The following SLC44A3 variants were observed in gnomAD, a reference collection of about 807,000 sequenced individuals.
SLC44A3 encodes the protein choline transporter-like protein 3.
A neutral mutation model predicts 75.4 loss-of-function variants in SLC44A3; 74 were observed. The observed-to-expected ratio is 0.98, with a 90% CI of 0.81 to 1.19. The LOEUF (loss-of-function observed/expected upper bound fraction) is 1.19. Among genes scored for constraint, SLC44A3 ranks in the 50% most tolerant of loss-of-function variants. The pLI is 0.00. For missense variants in SLC44A3, 700 were observed against 778.6 expected, an observed-to-expected ratio of 0.90 and a Z score of 1.20; for synonymous variants, 310 against 296.9, an observed-to-expected ratio of 1.04 and a Z score of -0.45.
chr1:94,853,966 A>G (rs1665537863), intron 9 of SLC44A3, among the ~76,000 whole-genome samples: 1 of 152,050 alleles, frequency 6.6e-6, no homozygotes, highest in Non-Finnish European at 1.5e-5. Context: ...TAATTTCAGA[A>G]TTGGAATTCT....
At chr1:94,825,518 A>T (rs1423563287) in intron 3 of SLC44A3, among the ~76,000 whole-genome samples, 1 of 151,980 alleles carries the variant, frequency 6.6e-6, no homozygotes. Context: ...TTTAGTAGAG[A>T]CGGGGTTTCA....
intron 9 of SLC44A3, 38 bp from the exon 10 acceptor site, chr1:94,857,297 A>C: frequency 6.5e-7 from 1 of 1,533,022 alleles, no homozygotes; most frequent in Non-Finnish European, 8.8e-7. Flanking sequence ...TGCTTAGGAA[A>C]ACATTGGTGT....
At chr1:94,892,905 A>T (rs1025529541) in intron 14 of SLC44A3, among the ~76,000 whole-genome samples, 1 of 152,152 alleles carries the variant, frequency 6.6e-6, no homozygotes, top group Non-Finnish European at 1.5e-5. Flanking sequence ...GCATTTTTGC[A>T]TCTCCAAGCA....
At chr1:94,883,114 G>A (rs11588748) in intron 12 of SLC44A3, among the ~76,000 whole-genome samples, 18,352 of 151,330 alleles carry the variant, frequency 0.12, 1,318 homozygotes, top group Non-Finnish European at 0.16. Flanking sequence ...TGGAGGAACC[G>A]CAAGGGCCTT....
chr1:94,824,908 T>G (rs1661095666), intron 3 of SLC44A3, among the ~76,000 whole-genome samples: 1 of 152,218 alleles, frequency 6.6e-6, no homozygotes, highest in African/African-American at 2.4e-5. Context: ...AACTAGTTAT[T>G]ATACCTACCT....
intron 10 of SLC44A3, among the ~76,000 whole-genome samples, chr1:94,862,553 G>C (rs781050599): frequency 1.3e-5 from 2 of 152,190 alleles, no homozygotes; most frequent in Non-Finnish European, 2.9e-5. Context: ...TGGGCAACTG[G>C]CTTCGTTGTT....
At chr1:94,873,165 C>T (rs901896445) in intron 12 of SLC44A3, among the ~76,000 whole-genome samples, 9 of 152,242 alleles carry the variant, frequency 5.9e-5, no homozygotes, top group African/African-American at 2.2e-4. Flanking sequence ...CAATGCCTTT[C>T]ACAGCCCTTT....
chr1:94,874,918 A>G (rs556933977), intron 12 of SLC44A3, among the ~76,000 whole-genome samples: 18 of 152,212 alleles, frequency 1.2e-4, no homozygotes, highest in Non-Finnish European at 2.4e-4. Context: ...TGTGAGATGT[A>G]AGAGTCAAAC....
chr1:94,862,627 C>G (rs1284580613), intron 10 of SLC44A3, among the ~76,000 whole-genome samples: 1 of 152,164 alleles, frequency 6.6e-6, no homozygotes, highest in Non-Finnish European at 1.5e-5. Flanking sequence ...GGAAGCTGGG[C>G]TTCATGGGGC....
intron 10 of SLC44A3, among the ~76,000 whole-genome samples, chr1:94,864,416 A>G (rs1353954215): frequency 3.9e-5 from 6 of 152,176 alleles, no homozygotes; most frequent in Non-Finnish European, 7.4e-5. Flanking sequence ...TTGTGCCGCA[A>G]TTAAAATTCT....
chr1:94,862,751 G>A (rs1381171360), intron 10 of SLC44A3, among the ~76,000 whole-genome samples: 1 of 152,178 alleles, frequency 6.6e-6, no homozygotes, highest in East Asian at 1.9e-4. Context: ...GATGAGGAAG[G>A]CTGACTGGGG....
intron 5 of SLC44A3, among the ~76,000 whole-genome samples, chr1:94,834,402 C>G (rs1662511518): frequency 6.6e-6 from 1 of 151,808 alleles, no homozygotes; most frequent in Non-Finnish European, 1.5e-5. Flanking sequence ...GATTATAACC[C>G]AAAGAAAAGA....
At chr1:94,877,364 T>G (rs1192313456) in intron 12 of SLC44A3, among the ~76,000 whole-genome samples, 1 of 152,162 alleles carries the variant, frequency 6.6e-6, no homozygotes, top group African/African-American at 2.4e-5. Context: ...CCAGTGAGAA[T>G]TGAAGACTGG....
In SLC44A3 at chr1:94,889,803, A is replaced by G. The variant is rs541325492; in HGVS notation, c.1483-1327A>G. ...TGCTTATTATACAAAGAAAAAAGCC[A>G]GATATATAATCATGACACCATACCA... On this transcript the variant is annotated intron_variant, in intron 12 of 14. Transcript: ENST00000271227. Among the ~76,000 whole-genome samples, 5 of 152,328 alleles carry G rather than the reference A, an allele frequency of 3.3e-5. No individual in the cohort carries two copies. In the East Asian group the frequency reaches 9.6e-4, roughly 29 times the overall value.
At chr1:94,879,972 A>G (rs1016442981) in intron 12 of SLC44A3, among the ~76,000 whole-genome samples, 1 of 152,246 alleles carries the variant, frequency 6.6e-6, no homozygotes, top group Non-Finnish European at 1.5e-5. Context: ...AAACTGCGAT[A>G]TATCACCTCA....
chr1:94,878,317 G>T (rs1024372796), intron 12 of SLC44A3, among the ~76,000 whole-genome samples: 2 of 151,930 alleles, frequency 1.3e-5, no homozygotes, highest in African/African-American at 4.8e-5. Flanking sequence ...TCCTGACCTC[G>T]CTTAGTGCCC....
chr1:94,857,917 G>A (rs528917581), intron 10 of SLC44A3, among the ~76,000 whole-genome samples: 10 of 149,528 alleles, frequency 6.7e-5, no homozygotes, highest in East Asian at 4.1e-4. Flanking sequence ...GGGTTCGAGC[G>A]ATTCTTCTGC....
At chr1:94,825,387 G>C (rs1223437313) in intron 3 of SLC44A3, among the ~76,000 whole-genome samples, 1 of 152,174 alleles carries the variant, frequency 6.6e-6, no homozygotes, top group East Asian at 1.9e-4. Flanking sequence ...CTGGAGTGCA[G>C]TGGGGAGATC....
intron 12 of SLC44A3, among the ~76,000 whole-genome samples, chr1:94,880,544 T>A (rs1165697207): frequency 6.6e-6 from 1 of 152,238 alleles, no homozygotes; most frequent in East Asian, 1.9e-4. Flanking sequence ...AGTATTTGTC[T>A]ACTTTTACTG....
Sources: allele counts gnomAD v4.1 joint callset (sites outside exome capture counted in the v4.1 genomes callset), GRCh38; gene constraint gnomAD v4.1.1; transcripts MANE v1.5; gene names NCBI Gene and HGNC (gene_info 2026-07-23, HGNC 2026-07-21).